The following ZFP30 variants were observed in gnomAD, a reference collection of about 807,000 sequenced individuals.
ZFP30 encodes ZFP30 zinc finger protein, also known as zinc finger protein 30 homolog.
Under a neutral mutation model 12.3 loss-of-function variants are expected in ZFP30, and 16 were observed. That is an observed-to-expected ratio of 1.30 (90% CI 0.88 to 1.98). The LOEUF is 1.98. ZFP30 is among the 30% of genes most tolerant of loss of function. ZFP30 has a pLI of 0.00. For synonymous variants in ZFP30, 172 were observed against 201.0 expected, an observed-to-expected ratio of 0.86 and a Z score of 1.22; for missense variants, 560 against 611.2, an observed-to-expected ratio of 0.92 and a Z score of 0.88.
chr19:37,649,016 T>C (rs958531289), intron 2 of ZFP30, among the ~76,000 whole-genome samples: 4 of 151,786 alleles, frequency 2.6e-5, no homozygotes, highest in South Asian at 2.1e-4. Context: ...GATGGGAGGA[T>C]TGCTTGATGC....
chr19:37,632,489 C>T lies in ZFP30; in HGVS notation c.*2492G>A, dbSNP rs2044248811. The T allele has an allele frequency of 6.6e-6, 1 of 151,970 alleles. No individual in the cohort carries two copies. The highest frequency in any genetic ancestry group is 2.4e-5 in the African/African-American group (1 of 41,374). 9.4% of individuals were successfully genotyped at this position (151,970 alleles called of 1,614,324 possible). Reference sequence around the variant, plus strand: ...TTTAAAGAAACACACACAAAAAAACCAAGTCTACTTTTTATTGTTTATGCC... The same window carrying T: ...TTTAAAGAAACACACACAAAAAAACTAAGTCTACTTTTTATTGTTTATGCC... On this transcript the variant is annotated 3_prime_UTR_variant, in exon 6 of 6. Coordinates refer to ENST00000684514, the MANE Select transcript of ZFP30 (RefSeq NM_001320669.3).
In ZFP30 at chr19:37,635,025, GTTGTCTAAATGCCT is replaced by G; in HGVS notation, c.1502_1515del (p.Lys501ThrfsTer12). The G allele has an allele frequency of 6.3e-7, 1 of 1,581,836 alleles. No homozygotes were observed. The highest frequency in any genetic ancestry group is 1.2e-5 in the South Asian group (1 of 85,268). On this transcript the variant is annotated frameshift_variant, in exon 6 of 6. Transcript: ENST00000684514. LOFTEE classifies it high-confidence loss of function. ...CGCTGATGGTAAGTAAGATGTGAAT[GTTGTCTAAATGCCT>G]TTTTACATTCCTTACATTTGTATGG...
Position 37,636,037 on chromosome 19 carries a change from T to A in ZFP30, c.504A>T (p.Arg168Ser), listed in dbSNP as rs2044318927. ...YECGECGKAF[R>S]VRQQLTFHQR... ...GATGGAAAGTAAGTTGTTGTCGTAC[T>A]CTAAAAGCCTTCCCACATTCCCCAC... Residue 168 changes from arginine to serine, a missense_variant, in exon 6 of 6, where the codon AGA becomes AGT. Coordinates refer to ENST00000684514, the MANE Select transcript of ZFP30 (RefSeq NM_001320669.3). 1 of 1,613,756 alleles carries A rather than the reference T, an allele frequency of 6.2e-7. No individual in the cohort carries two copies. Among genetic ancestry groups the A allele is most frequent in the South Asian group, 1.1e-5 (1 of 91,062 alleles).
chr19:37,644,021 G>A (rs1002637677), intron 4 of ZFP30, among the ~76,000 whole-genome samples: 1 of 152,134 alleles, frequency 6.6e-6, no homozygotes, highest in African/African-American at 2.4e-5. Flanking sequence ...CACTGTAAAT[G>A]AGTTACAAAT....
rs1354267565 is a variant in ZFP30 at position 37,632,690 on chromosome 19, A to G, written c.*2291T>C. 6.6e-6 allele frequency: 1 copy of G among 152,218 alleles called. No individual in the cohort carries two copies. Among genetic ancestry groups the G allele is most frequent in the Non-Finnish European group, 1.5e-5 (1 of 68,036 alleles). 9.4% of individuals were successfully genotyped at this position (152,218 alleles called of 1,614,324 possible). A position where few individuals can be genotyped will look rare whatever the true frequency, so the allele number is the denominator to read the frequency against. On this transcript the variant is annotated 3_prime_UTR_variant, in exon 6 of 6. Transcript: ENST00000684514. The stretch of plus-strand genomic sequence containing the variant: ...ATACTTAACTTTTTTAAAATAACTA[A>G]GTCTTCAGAATCTTGTGTTTTACAA...
At chr19:37,647,440 T>C (rs538711231) in intron 3 of ZFP30, among the ~76,000 whole-genome samples, 1 of 151,910 alleles carries the variant, frequency 6.6e-6, no homozygotes, top group Non-Finnish European at 1.5e-5. Flanking sequence ...TTATAAGGGG[T>C]TTCCTCTTTC....
chr19:37,654,531 A>G (rs1043454703), intron 2 of ZFP30, among the ~76,000 whole-genome samples, 181 bp downstream of exon 2: 8 of 152,350 alleles, frequency 5.3e-5, no homozygotes, highest in Non-Finnish European at 1.0e-4. Flanking sequence ...GTGTCTAACT[A>G]TAGAACAGCA....
chr19:37,635,695 A>C lies in ZFP30; in HGVS notation c.846T>G (p.Tyr282Ter), dbSNP rs1170517459. ...CKECGKAFRQYAHLTRHQRLN... is the reference protein window; with the variant it reads ...CKECGKAFRQ The stretch of plus-strand genomic sequence containing the variant: ...GTCTCTGATGTCGAGTAAGGTGTGC[A>C]TACTGCCTAAAGGCCTTCCCACATT... The change falls in exon 6 of 6, where the codon TAT becomes TAG. Residue 282 changes from tyrosine (Y) to a stop codon, truncating the protein, a stop_gained. Coordinates refer to ENST00000684514, the MANE Select transcript of ZFP30 (RefSeq NM_001320669.3). LOFTEE classifies it low-confidence loss of function (END_TRUNC). 1 of 1,613,216 alleles carries C rather than the reference A, an allele frequency of 6.2e-7. No individual in the cohort carries two copies. The highest frequency in any genetic ancestry group is 1.1e-5 in the South Asian group (1 of 91,018).
In ZFP30 at chr19:37,652,274, AG is replaced by A. The variant is rs1238355226; in HGVS notation, c.-78+2437del. Among the ~76,000 whole-genome samples, 749 of 152,262 alleles carry A rather than the reference AG, an allele frequency of 4.9e-3. 10 individuals carry two copies. The highest frequency in any genetic ancestry group is 0.016 in the African/African-American group (657 of 41,532). ...ATTAGTATTAGCCTGTTCTTCAGAG[AG>A]AAAACCACCAGCCGGGTACGGTGGC... On this transcript the variant is annotated intron_variant, in intron 2 of 5. Coordinates refer to ENST00000684514, the MANE Select transcript of ZFP30 (RefSeq NM_001320669.3).
chr19:37,651,939 G>T (rs2044659293), intron 2 of ZFP30, among the ~76,000 whole-genome samples: 1 of 151,306 alleles, frequency 6.6e-6, no homozygotes, highest in African/African-American at 2.4e-5. Flanking sequence ...GAAAAAAAAA[G>T]TTTACAAAAC....
At position 37,642,388 on chromosome 19, in the gene ZFP30, T is replaced by C. The variant is rs75874020; in HGVS notation, c.235+877A>G. Among the ~76,000 whole-genome samples the C allele has an allele frequency of 8.2e-3, 1,255 of 152,308 alleles. 12 individuals are homozygous for C. The highest frequency in any genetic ancestry group is 0.02 in the Middle Eastern group (6 of 294). Reference sequence around the variant, plus strand: ...ATGCATTGCAATACACTGCAGTCATTATATGTAATGACGTTCAAATAGTCC... The same window carrying C: ...ATGCATTGCAATACACTGCAGTCATCATATGTAATGACGTTCAAATAGTCC... On this transcript the variant is annotated intron_variant, in intron 5 of 5. Coordinates refer to ENST00000684514, the MANE Select transcript of ZFP30 (RefSeq NM_001320669.3).
chr19:37,647,643 G>C (rs1250949122), intron 3 of ZFP30, among the ~76,000 whole-genome samples, 171 bp downstream of exon 3: 1 of 152,206 alleles, frequency 6.6e-6, no homozygotes, highest in East Asian at 1.9e-4. Context: ...AGATGGAGAA[G>C]ACAGGGGCAC....
At position 37,639,895 on chromosome 19, in the gene ZFP30, T is replaced by C. The variant is rs573224375; in HGVS notation, c.235+3370A>G. On this transcript the variant is annotated intron_variant, in intron 5 of 5. Transcript: ENST00000684514. The stretch of plus-strand genomic sequence containing the variant: ...CAAGCCAGATCAAGATCTTGGTATT[T>C]TGAACATTCTCAGTTAGAAGGCTGT... 5.9e-5 allele frequency among the ~76,000 whole-genome samples: 9 copies of C among 152,332 alleles called. No individual in the cohort carries two copies. In the East Asian group the frequency reaches 1.5e-3, roughly 26 times the overall value.
intron 2 of ZFP30, 86 bp downstream of exon 2, chr19:37,654,626 G>A (rs996445053): frequency 1.3e-5 from 2 of 152,182 alleles, no homozygotes; most frequent in Non-Finnish European, 2.9e-5. Flanking sequence ...CCAAATCAAT[G>A]AATAAATAGA....
At position 37,648,963 on chromosome 19, in the gene ZFP30, T is replaced by G. The variant is rs117190458; in HGVS notation, c.-77-1064A>C. ...TTCTAGAAGCTAGAAATAGGCTGGG[T>G]GCAGTGGCTCATGCCTGTAGTCCCA... On this transcript the variant is annotated intron_variant, in intron 2 of 5. Coordinates refer to ENST00000684514, the MANE Select transcript of ZFP30 (RefSeq NM_001320669.3). Among the ~76,000 whole-genome samples, 1,049 of 152,238 alleles carry G rather than the reference T, an allele frequency of 6.9e-3. 32 individuals are homozygous for G. The highest frequency in any genetic ancestry group is 0.055 in the East Asian group (285 of 5,182).
Position 37,635,788 on chromosome 19 carries a change from A to G in ZFP30, c.753T>C (p.Phe251=). ...GGAGATTAAGTTGTCCTCTAACTCT[A>G]AAGGCTTTCCCACATTCTTTACATT... ...PYECKECGKA[F]RVRGQLNLHQ... The change falls in exon 6 of 6, where the codon TTT becomes TTC. Residue 251 remains phenylalanine, a synonymous_variant. Coordinates refer to ENST00000684514, the MANE Select transcript of ZFP30 (RefSeq NM_001320669.3). The G allele has an allele frequency of 6.2e-7, 1 of 1,614,110 alleles. No individual in the cohort carries two copies. Among genetic ancestry groups the G allele is most frequent in the East Asian group, 2.2e-5 (1 of 44,868 alleles).
chr19:37,655,742 T>G (rs903191086), upstream of ZFP30: 1 of 152,216 alleles, frequency 6.6e-6, no homozygotes, highest in Non-Finnish European at 1.5e-5. Context: ...ATTCCGCCTT[T>G]TTATTTTTCA....
chr19:37,641,081 A>G (rs2044425467), intron 5 of ZFP30, among the ~76,000 whole-genome samples: 1 of 152,198 alleles, frequency 6.6e-6, no homozygotes, highest in Non-Finnish European at 1.5e-5. Context: ...AAGGAACCAG[A>G]AACAACTGAA....
At position 37,643,363 on chromosome 19, in the gene ZFP30, G is replaced by A; in HGVS notation, c.137C>T (p.Ala46Val). Residue 46 changes from alanine to valine, a missense_variant and splice_region_variant, in exon 5 of 6, where the codon GCA (alanine) becomes GTA (valine). By Grantham distance (64) the Ala-to-Val change is moderately conservative (BLOSUM62 0). Transcript: ENST00000684514. The stretch of plus-strand genomic sequence containing the variant: ...ATCTGGCTTAGAAATAGAACATCCT[G>A]CTTAAAAATAAATAATAGAATATAA... ...LENYSNLVSL[A>V]GCSISKPDVI... is the part of the protein sequence containing the mutation. 1.3e-6 allele frequency: 2 copies of A among 1,567,996 alleles called. No homozygotes were observed. The highest frequency in any genetic ancestry group is 1.7e-6 in the Non-Finnish European group (2 of 1,158,626).
Sources: gnomAD v4.1 joint callset for allele counts (sites outside exome capture counted in the v4.1 genomes callset) on GRCh38, gnomAD v4.1.1 for gene constraint, MANE v1.5 for transcripts, NCBI Gene and HGNC (gene_info 2026-07-23, HGNC 2026-07-21) for gene names.